Variants in MAD2L2 observed in about 807,000 individuals in gnomAD.
The protein encoded by MAD2L2 is mitotic arrest deficient 2 like 2.
Under a neutral mutation model 30.5 loss-of-function variants are expected in MAD2L2, and 17 were observed. That is an observed-to-expected ratio of 0.56 (90% CI 0.38 to 0.84). The LOEUF (loss-of-function observed/expected upper bound fraction) is 0.84, where lower values mean the gene tolerates loss of function less well. MAD2L2 is among the 40% of genes least tolerant of loss of function. The probability of loss-of-function intolerance (pLI) is 0.00; values close to 1 mark genes in which losing one functional copy is unlikely to be tolerated. For synonymous variants in MAD2L2, 101 were observed against 113.9 expected (o/e 0.89, Z 0.72); for missense variants, 213 against 277.4 (o/e 0.77, Z 1.65).
chr1:11,677,450 C>G, intron 4 of MAD2L2, 93 bp downstream of exon 4: 1 of 1,257,322 alleles, frequency 8.0e-7, no homozygotes, highest in Non-Finnish European at 1.2e-6. Context: ...CCACAGAGTC[C>G]TAGCTTCACC....
upstream of MAD2L2, among the ~76,000 whole-genome samples, chr1:11,682,335 TTGTC>T: frequency 6.6e-6 from 1 of 152,308 alleles, no homozygotes; most frequent in African/African-American, 2.4e-5. Flanking sequence ...CAAGAGGACT[TTGTC>T]TGTGACCTCC....
intron 4 of MAD2L2, 51 bp from the exon 5 acceptor site, chr1:11,676,999 C>T (rs1427787986): frequency 1.5e-6 from 2 of 1,312,126 alleles, no homozygotes; most frequent in Non-Finnish European, 2.2e-6. Flanking sequence ...ACCCCGACTA[C>T]ACCACCCTGC....
chr1:11,674,876 G>A lies in MAD2L2; in HGVS notation c.595-60C>T. 3.2e-6 allele frequency: 5 copies of A among 1,586,144 alleles called. No homozygotes were observed. The highest frequency in any genetic ancestry group is 2.2e-5 in the South Asian group (2 of 90,436). Reference sequence around the variant, plus strand: ...GACAGCCAGGGCATCCCTGCTGGAGGACACAGAAGCCCCTGGTGGGCAGAC... The same window carrying A: ...GACAGCCAGGGCATCCCTGCTGGAGAACACAGAAGCCCCTGGTGGGCAGAC... On this transcript the variant is annotated intron_variant, in intron 8 of 8. Coordinates refer to ENST00000376692, the MANE Select transcript of MAD2L2 (RefSeq NM_006341.4). This position sits in a 1 kb window ranked among gnomAD's most constrained non-coding sequence, Gnocchi z 6.1.
rs901150657 is a variant in MAD2L2, at chr1:11,687,304, A to G, written c.-692+4109T>C. On this transcript the variant is annotated intron_variant, in intron 1 of 10. Transcript: ENST00000235310. This position sits in a 1 kb window ranked among gnomAD's most constrained non-coding sequence, Gnocchi z 4.1. ...ACCCAGGCTGGAGGGCGGTGGTGCA[A>G]TCTCGGCTCAATGAAATCTCTGCCT... Among the ~76,000 whole-genome samples the G allele has an allele frequency of 6.6e-6, 1 of 152,096 alleles. No individual in the cohort carries two copies. The highest frequency in any genetic ancestry group is 2.4e-5 in the African/African-American group (1 of 41,410).
intron 1 of MAD2L2, 177 bp downstream of exon 1, chr1:11,680,862 G>A: frequency 1.0e-5 from 11 of 1,087,118 alleles, no homozygotes; most frequent in Non-Finnish European, 1.3e-5. Context: ...AAAGACCACA[G>A]CTGTGCCCCC....
Position 11,674,558 on chromosome 1 carries a change from C to A in MAD2L2, c.*217G>T, listed in dbSNP as rs918636849. On this transcript the variant is annotated 3_prime_UTR_variant, in exon 9 of 9. Coordinates refer to ENST00000376692, the MANE Select transcript of MAD2L2 (RefSeq NM_006341.4). The surrounding 1 kb of genome is among the most constrained non-coding windows in gnomAD (Gnocchi z 6.1). ...AGACAGACAGTGTTGGCCGGCGGAA[C>A]CCCAGGAGGCTGAGAAGTCGAGGTT... 1 of 569,688 alleles carries A rather than the reference C, an allele frequency of 1.8e-6. No homozygotes were observed. The highest frequency in any genetic ancestry group is 3.1e-5 in the Admixed American group (1 of 32,196). 35.3% of individuals were successfully genotyped at this position (569,688 alleles called of 1,614,324 possible).
chr1:11,688,132 C>T lies in MAD2L2; in HGVS notation c.-692+3281G>A, dbSNP rs962693132. 2.0e-4 allele frequency among the ~76,000 whole-genome samples: 31 copies of T among 152,158 alleles called. No individual in the cohort carries two copies. The highest frequency in any genetic ancestry group is 5.8e-4 in the African/African-American group (24 of 41,440). On this transcript the variant is annotated intron_variant, in intron 1 of 10. Transcript: ENST00000235310. The surrounding 1 kb of genome is among the most constrained non-coding windows in gnomAD (Gnocchi z 4.6). ...TACTGGCCCACAGCTCTATCCTTGG[C>T]GACGCAAATCATGCTGGCTGCACAC...
chr1:11,676,845 C>T lies in MAD2L2; in HGVS notation c.332+3G>A, dbSNP rs374902398. On this transcript the variant is annotated splice_donor_region_variant and intron_variant, in intron 5 of 8. Transcript: ENST00000376692. ...TAGTGGGCGAGGGGCAGGGGCAGCCCACCTGATGGACAGCAGTGGAGGCTG... is the reference window on the plus strand; with the variant it reads ...TAGTGGGCGAGGGGCAGGGGCAGCCTACCTGATGGACAGCAGTGGAGGCTG... The T allele has an allele frequency of 3.1e-6, 5 of 1,613,160 alleles. No individual in the cohort carries two copies. The Admixed American group carries it at 6.7e-5, about 22-fold the overall frequency.
Position 11,676,056 on chromosome 1 carries a change from G to T in MAD2L2, c.417C>A (p.His139Gln). 1 of 1,613,262 alleles carries T rather than the reference G, an allele frequency of 6.2e-7. No individual in the cohort carries two copies. The highest frequency in any genetic ancestry group is 1.3e-5 in the African/African-American group (1 of 75,010). The change falls in exon 6 of 9, where the codon CAC becomes CAA. Residue 139 changes from histidine (H) to glutamine (Q), a missense_variant. Transcript: ENST00000376692. ...KISVCDAVLD[H>Q]NPPGCTFTVL... ...GGGGAGTGGACACACCTGGGGGGTT[G>T]TGGTCCAGGACGGCATCGCACACGC...
chr1:11,686,059 G>A (rs1640950764), upstream of MAD2L2, among the ~76,000 whole-genome samples: 1 of 152,094 alleles, frequency 6.6e-6, no homozygotes, highest in South Asian at 2.1e-4. Context: ...TAAGCCCCCA[G>A]AACAAACCCT....
At chr1:11,677,485 A>G (rs1412930057) in intron 4 of MAD2L2, 58 bp downstream of exon 4, 16 of 1,521,744 alleles carry the variant, frequency 1.1e-5, no homozygotes, top group Admixed American at 6.7e-5. Context: ...GACTGTGAGC[A>G]CACAGGGACG....
At chr1:11,679,279 G>A (rs7553579) in intron 3 of MAD2L2, among the ~76,000 whole-genome samples, 23,977 of 152,184 alleles carry the variant, frequency 0.16, 2,388 homozygotes, top group Admixed American at 0.22. Flanking sequence ...GACTTGAAGC[G>A]GGGACCACCT....
At chr1:11,675,554 C>T (rs1457810174) in intron 7 of MAD2L2, 104 bp downstream of exon 7, 1 of 1,139,876 alleles carries the variant, frequency 8.8e-7, no homozygotes, top group Non-Finnish European at 1.3e-6. Context: ...CGCTGCCACA[C>T]CAATGTAATG....
rs899743442 is a variant in MAD2L2, at chr1:11,678,145, T to A, written c.160-531A>T. On this transcript the variant is annotated intron_variant, in intron 3 of 8. Coordinates refer to ENST00000376692, the MANE Select transcript of MAD2L2 (RefSeq NM_006341.4). The stretch of plus-strand genomic sequence containing the variant: ...AGATAAGAACTCAGGCTGGGCACAG[T>A]GGCTCACTCCTCTAATCCCAGCACT... Among the ~76,000 whole-genome samples, 19 of 151,078 alleles carry A rather than the reference T, an allele frequency of 1.3e-4. 1 individual carries two copies. Among genetic ancestry groups the A allele is most frequent in the Admixed American group, 1.2e-3 (18 of 15,166 alleles).
chr1:11,680,446 G>A lies in MAD2L2; in HGVS notation c.66C>T (p.Phe22=). The change falls in exon 3 of 9, where the codon TTC becomes TTT. Residue 22 remains phenylalanine (F), a synonymous_variant. Coordinates refer to ENST00000376692, the MANE Select transcript of MAD2L2 (RefSeq NM_006341.4). The part of the protein sequence containing the change: ...GQVVADVLCE[F]LEVAVHLILY... The stretch of plus-strand genomic sequence containing the variant: ...GGATGAGATGCACAGCCACCTCCAG[G>A]AACTCGCAGAGCACATCGGCCACCA... 2.5e-6 allele frequency: 4 copies of A among 1,613,906 alleles called. No homozygotes were observed. Among genetic ancestry groups the A allele is most frequent in the Non-Finnish European group, 3.4e-6 (4 of 1,179,912 alleles).
Position 11,676,956 on chromosome 1 carries a change from G to C in MAD2L2, c.232-8C>G, listed in dbSNP as rs745856424. On this transcript the variant is annotated splice_polypyrimidine_tract_variant and splice_region_variant and intron_variant, in intron 4 of 8. Transcript: ENST00000376692. Reference sequence around the variant, plus strand: ...CACTTTCTCCACATCATTCTGCAAAGAGAGGAACCCCCACTGCAGAGCCAG... The same window carrying C: ...CACTTTCTCCACATCATTCTGCAAACAGAGGAACCCCCACTGCAGAGCCAG... 1 of 1,608,118 alleles carries C rather than the reference G, an allele frequency of 6.2e-7. No homozygotes were observed. Among genetic ancestry groups the C allele is most frequent in the African/African-American group, 1.3e-5 (1 of 74,772 alleles).
At chr1:11,678,416 A>G (rs1640809185) in intron 3 of MAD2L2, among the ~76,000 whole-genome samples, 1 of 152,244 alleles carries the variant, frequency 6.6e-6, no homozygotes, top group Non-Finnish European at 1.5e-5. Context: ...ATCTCAAAGG[A>G]AAAGAAAGAT....
rs757723800 is a variant in MAD2L2, at chr1:11,676,102, C to T, written c.371G>A (p.Arg124Gln). The change falls in exon 6 of 9, where the codon CGG becomes CAG. Residue 124 changes from arginine (R) to glutamine (Q), a missense_variant. Coordinates refer to ENST00000376692, the MANE Select transcript of MAD2L2 (RefSeq NM_006341.4). Reference sequence around the variant, plus strand: ...CACGCTGATCTTCAGGATGAAGGCCCGGAGCAGCTGCTCCACATGAGACAA... The same window carrying T: ...CACGCTGATCTTCAGGATGAAGGCCTGGAGCAGCTGCTCCACATGAGACAA... The part of the protein sequence containing the change: ...SLLSHVEQLL[R>Q]AFILKISVCD... The T allele has an allele frequency of 1.9e-6, 3 of 1,611,040 alleles. No homozygotes were observed. The highest frequency in any genetic ancestry group is 2.2e-5 in the East Asian group (1 of 44,838).
chr1:11,685,110 G>A (rs1640936430), upstream of MAD2L2, among the ~76,000 whole-genome samples: 1 of 151,802 alleles, frequency 6.6e-6, no homozygotes, highest in Admixed American at 6.6e-5. Flanking sequence ...CAAATTTTTT[G>A]CAGAGGCAGG....
Sources: gnomAD v4.1 joint callset for allele counts (sites outside exome capture counted in the v4.1 genomes callset) on GRCh38, gnomAD v4.1.1 for gene constraint, Gnocchi (gnomAD v3.1) non-coding constraint, MANE v1.5 for transcripts, NCBI Gene and HGNC (gene_info 2026-07-23, HGNC 2026-07-21) for gene names.